The following COL22A1 variants were observed in gnomAD, a reference collection of about 807,000 sequenced individuals.
COL22A1 encodes collagen type XXII alpha 1 chain.
A neutral mutation model predicts 248.9 loss-of-function variants in COL22A1; 221 were observed. The ratio of observed to expected loss-of-function variants is 0.89; its 90% CI spans 0.80 to 0.99. COL22A1 has a LOEUF of 0.99. COL22A1 is among the 50% of genes least tolerant of loss of function. COL22A1 has a pLI of 0.00. For synonymous variants in COL22A1, 891 were observed against 793.4 expected (o/e 1.12, Z -2.07); for missense variants, 2,240 against 2,179.0 (o/e 1.03, Z -0.56).
chr8:138,698,300 A>G (rs1343570198), intron 32 of COL22A1, among the ~76,000 whole-genome samples: 1 of 152,182 alleles, frequency 6.6e-6, no homozygotes, highest in Non-Finnish European at 1.5e-5. Context: ...CAGACGCTCC[A>G]TCCAGTGCGC....
At chr8:138,888,936 T>C (rs1373598999) in intron 1 of COL22A1, among the ~76,000 whole-genome samples, 1 of 152,216 alleles carries the variant, frequency 6.6e-6, no homozygotes, top group Non-Finnish European at 1.5e-5. Context: ...CTGATGCTGT[T>C]ATAGTATCAT....
At chr8:138,729,970 G>T (rs1290815670) in intron 23 of COL22A1, among the ~76,000 whole-genome samples, 1 of 152,186 alleles carries the variant, frequency 6.6e-6, no homozygotes, top group African/African-American at 2.4e-5. Flanking sequence ...TGAGGGAGGG[G>T]TAGGAGGACA....
At position 138,779,511 on chromosome 8, in the gene COL22A1, G is replaced by C. The variant is rs139654575; in HGVS notation, c.1702C>G (p.Arg568Gly). The change falls in exon 14 of 65, where the codon CGG (arginine) becomes GGG (glycine). Residue 568 changes from arginine (R) to glycine (G), a missense_variant and splice_region_variant. Arg to Gly is a moderately radical substitution (Grantham distance 125). Coordinates refer to ENST00000303045, the MANE Select transcript of COL22A1 (RefSeq NM_152888.3). ...GCCCAGCTCACAGCAACACTCACCC[G>C]CATGCCGACCTCACCCGGCAGCCCC... ...EPGLPGEVGMRGPQGPPGLPG... is the reference protein window; with the variant it reads ...EPGLPGEVGMGGPQGPPGLPG... The C allele has an allele frequency of 1.9e-6, 3 of 1,610,408 alleles. No individual in the cohort carries two copies. The highest frequency in any genetic ancestry group is 1.3e-5 in the African/African-American group (1 of 74,818).
At chr8:138,781,893 C>T (rs1247899751) in intron 12 of COL22A1, among the ~76,000 whole-genome samples, 5 of 152,162 alleles carry the variant, frequency 3.3e-5, no homozygotes, top group Non-Finnish European at 5.9e-5. Context: ...ATTCAATGAA[C>T]AAATGAAGAG....
chr8:138,657,232 G>A (rs529590199), intron 44 of COL22A1, among the ~76,000 whole-genome samples: 10 of 152,324 alleles, frequency 6.6e-5, no homozygotes, highest in South Asian at 6.2e-4. Context: ...TCTGAGTGAC[G>A]TCCTCTGAAG....
At chr8:138,907,906 T>C (rs771700032) in intron 1 of COL22A1, among the ~76,000 whole-genome samples, 1 of 152,074 alleles carries the variant, frequency 6.6e-6, no homozygotes, top group Non-Finnish European at 1.5e-5. Flanking sequence ...CATGACCCAA[T>C]CACCTCTTAT....
intron 3 of COL22A1, among the ~76,000 whole-genome samples, chr8:138,851,160 G>A (rs9644505): frequency 0.11 from 16,618 of 152,192 alleles, 1,052 homozygotes; most frequent in East Asian, 0.25. Flanking sequence ...CTTTGGGAGC[G>A]GGGACACTGG....
intron 1 of COL22A1, among the ~76,000 whole-genome samples, chr8:138,909,854 G>A (rs1815316296): frequency 6.6e-6 from 1 of 152,184 alleles, no homozygotes; most frequent in Non-Finnish European, 1.5e-5. Context: ...AGCCTCTCAT[G>A]AGTGCTTCTA....
intron 52 of COL22A1, among the ~76,000 whole-genome samples, chr8:138,621,248 G>A (rs572396626): frequency 2.6e-4 from 40 of 152,208 alleles, no homozygotes; most frequent in South Asian, 4.1e-4. Flanking sequence ...TTCCCTGACC[G>A]TAATGGGTAC....
At chr8:138,759,545 C>T (rs915760651) in intron 18 of COL22A1, among the ~76,000 whole-genome samples, 1 of 152,208 alleles carries the variant, frequency 6.6e-6, no homozygotes, top group African/African-American at 2.4e-5. Context: ...CTATGCCAAT[C>T]CAGAATACAA....
chr8:138,760,556 C>T (rs1833391293), intron 17 of COL22A1, among the ~76,000 whole-genome samples: 1 of 152,162 alleles, frequency 6.6e-6, no homozygotes, highest in South Asian at 2.1e-4. Context: ...ACAAAGGACC[C>T]CTTCCTTAGG....
At chr8:138,792,905 C>G (rs974553032) in intron 12 of COL22A1, among the ~76,000 whole-genome samples, 3 of 152,196 alleles carry the variant, frequency 2.0e-5, no homozygotes, top group Non-Finnish European at 4.4e-5. Context: ...TGGGCACATA[C>G]TAACTGTGTG....
intron 1 of COL22A1, among the ~76,000 whole-genome samples, chr8:138,883,457 T>C (rs1347579855): frequency 1.3e-5 from 2 of 152,086 alleles, no homozygotes; most frequent in African/African-American, 4.8e-5. Flanking sequence ...CCCCCAGCCA[T>C]CCAATTAGCA....
chr8:138,801,971 A>C (rs886873107), intron 11 of COL22A1, among the ~76,000 whole-genome samples: 1 of 152,164 alleles, frequency 6.6e-6, no homozygotes, highest in African/African-American at 2.4e-5. Context: ...ATTTGACACC[A>C]AACTTGTGCT....
intron 27 of COL22A1, among the ~76,000 whole-genome samples, chr8:138,719,430 G>A (rs961587623): frequency 6.6e-6 from 1 of 152,204 alleles, no homozygotes; most frequent in Non-Finnish European, 1.5e-5. Context: ...TGAGGGCTGA[G>A]TTCCTCGGAT....
intron 10 of COL22A1, among the ~76,000 whole-genome samples, chr8:138,806,193 T>TGTATGTGTGTGATG (rs1817708875): frequency 1.1e-5 from 1 of 87,196 alleles, no homozygotes; most frequent in Admixed American, 1.3e-4. Flanking sequence ...TGTGTGATGG[T>TGTATGTGTGTGATG]GTGTGTGTGA....
intron 60 of COL22A1, 107 bp downstream of exon 60, chr8:138,602,008 G>A: frequency 1.8e-6 from 2 of 1,132,848 alleles, no homozygotes; most frequent in Non-Finnish European, 2.7e-6. Context: ...GCATGATCCA[G>A]GCGGGTGTTT....
At position 138,878,048 on chromosome 8, in the gene COL22A1, C is replaced by A; in HGVS notation, c.360G>T (p.Ala120=). ...AGCTGCGGGCCGTGATGTAGCGGAGCGCGTCTCCCGTGTTGGTGTTGCCCC... is the reference window on the plus strand; with the variant it reads ...AGCTGCGGGCCGTGATGTAGCGGAGAGCGTCTCCCGTGTTGGTGTTGCCCC... ...YHGGNTNTGD[A]LRYITARSFS... is the part of the protein sequence containing the mutation. The change falls in exon 3 of 65, where the codon GCG becomes GCT. Residue 120 remains alanine, a synonymous_variant. Coordinates refer to ENST00000303045, the MANE Select transcript of COL22A1 (RefSeq NM_152888.3). The A allele has an allele frequency of 6.3e-7, 1 of 1,593,050 alleles. No homozygotes were observed. Among genetic ancestry groups the A allele is most frequent in the Non-Finnish European group, 8.5e-7 (1 of 1,170,374 alleles).
intron 16 of COL22A1, among the ~76,000 whole-genome samples, chr8:138,775,128 A>T (rs900505813): frequency 6.6e-6 from 1 of 152,248 alleles, no homozygotes; most frequent in African/African-American, 2.4e-5. Context: ...AGCAGACCCC[A>T]GCAAAGCATC....
Sources: allele counts gnomAD v4.1 joint callset (sites outside exome capture counted in the v4.1 genomes callset), GRCh38; gene constraint gnomAD v4.1.1; transcripts MANE v1.5; gene names NCBI Gene and HGNC (gene_info 2026-07-23, HGNC 2026-07-21).